Variants in PTPRT observed in about 807,000 individuals in gnomAD.
PTPRT encodes the protein receptor-type tyrosine-protein phosphatase T.
Under a neutral mutation model 176.8 loss-of-function variants are expected in PTPRT, and 56 were observed. The observed-to-expected ratio is 0.32, with a 90% confidence interval of 0.26 to 0.40. PTPRT has a LOEUF of 0.40. Among genes scored for constraint, PTPRT ranks in the 10% least tolerant of loss-of-function variants. The pLI is 1.00. For missense variants in PTPRT, 1,540 were observed against 1,908.2 expected, an observed-to-expected ratio of 0.81 and a Z score of 3.60; for synonymous variants, 783 against 739.0, an observed-to-expected ratio of 1.06 and a Z score of -0.96.
intron 15 of PTPRT, among the ~76,000 whole-genome samples, chr20:42,202,451 G>A (rs1991492086): frequency 6.6e-6 from 1 of 152,184 alleles, no homozygotes; most frequent in Non-Finnish European, 1.5e-5. Context: ...CCAGTAAAAT[G>A]ATTCCAGGCA....
chr20:43,173,038 A>G (rs888070230), intron 1 of PTPRT, among the ~76,000 whole-genome samples: 1 of 151,886 alleles, frequency 6.6e-6, no homozygotes, highest in South Asian at 2.1e-4. Context: ...AGACACGGCT[A>G]ATTTTGTATT....
rs189635070 is a variant in PTPRT, at chr20:42,545,771, G to A, written c.1154-73209C>T. Reference sequence around the variant, plus strand: ...GGGCAGGTCACATGGAGCTGGCAATGAAAGACTCCCATAGGCTGTTAGGCC... The same window carrying A: ...GGGCAGGTCACATGGAGCTGGCAATAAAAGACTCCCATAGGCTGTTAGGCC... On this transcript the variant is annotated intron_variant, in intron 7 of 30. Coordinates refer to ENST00000373187, the MANE Select transcript of PTPRT (RefSeq NM_007050.6). 2.0e-5 allele frequency among the ~76,000 whole-genome samples: 3 copies of A among 152,264 alleles called. No individual in the cohort carries two copies. The East Asian group carries it at 5.8e-4, about 29-fold the overall frequency.
chr20:42,783,375 C>A (rs1165178764), intron 3 of PTPRT, among the ~76,000 whole-genome samples: 3 of 146,282 alleles, frequency 2.1e-5, no homozygotes, highest in African/African-American at 2.6e-5. Flanking sequence ...TGAGAATCAA[C>A]AAAAAAAAAA....
intron 15 of PTPRT, among the ~76,000 whole-genome samples, chr20:42,233,983 C>T (rs2056188056): frequency 6.6e-6 from 1 of 152,136 alleles, no homozygotes; most frequent in Non-Finnish European, 1.5e-5. Flanking sequence ...ACCCAGCACA[C>T]AGCACTGTAT....
rs547784023 is a variant in PTPRT at position 42,567,007 on chromosome 20, C to T, written c.1154-94445G>A. Among the ~76,000 whole-genome samples, 50 of 152,252 alleles carry T rather than the reference C, an allele frequency of 3.3e-4. 1 individual carries two copies. The highest frequency in any genetic ancestry group is 5.3e-4 in the Non-Finnish European group (36 of 68,002). ...AATTTTTAGGCAGGGTGTGGTGGCTCACACCTGTAACCCCAGCACTTTGGG... is the reference window on the plus strand; with the variant it reads ...AATTTTTAGGCAGGGTGTGGTGGCTTACACCTGTAACCCCAGCACTTTGGG... On this transcript the variant is annotated intron_variant, in intron 7 of 30. Transcript: ENST00000373187.
At chr20:42,296,006 C>A (rs1179800230) in intron 12 of PTPRT, among the ~76,000 whole-genome samples, 5 of 152,216 alleles carry the variant, frequency 3.3e-5, no homozygotes, top group Admixed American at 6.5e-5. Flanking sequence ...AAACAAATAT[C>A]TTTTCTTTAT....
At chr20:42,323,063 C>A (rs369618075) in intron 11 of PTPRT, among the ~76,000 whole-genome samples, 1 of 151,848 alleles carries the variant, frequency 6.6e-6, no homozygotes, top group Non-Finnish European at 1.5e-5. Context: ...CAATGAGATA[C>A]CATCTCACAC....
intron 1 of PTPRT, among the ~76,000 whole-genome samples, chr20:43,177,821 T>A (rs778349013): frequency 6.6e-6 from 1 of 152,248 alleles, no homozygotes; most frequent in South Asian, 2.1e-4. Context: ...ACTAAAAAAT[T>A]CTGTTTTAAA....
At chr20:42,203,374 A>C (rs1000395809) in intron 15 of PTPRT, among the ~76,000 whole-genome samples, 4 of 152,206 alleles carry the variant, frequency 2.6e-5, no homozygotes, top group African/African-American at 4.8e-5. Context: ...AGGGCAAACA[A>C]GACCCTTAAA....
chr20:42,664,810 G>C (rs551038660), intron 7 of PTPRT, among the ~76,000 whole-genome samples: 293 of 152,150 alleles, frequency 1.9e-3, no homozygotes, highest in Non-Finnish European at 3.6e-3. Context: ...ACAACTATCT[G>C]ATCTTTGACA....
chr20:43,158,971 T>C (rs1166467492), intron 1 of PTPRT, among the ~76,000 whole-genome samples: 2 of 152,226 alleles, frequency 1.3e-5, no homozygotes, highest in Non-Finnish European at 2.9e-5. Context: ...AAAATGACTG[T>C]TTTGTTGCCA....
chr20:42,386,781 A>G (rs1392885104), intron 9 of PTPRT, among the ~76,000 whole-genome samples: 1 of 152,018 alleles, frequency 6.6e-6, no homozygotes, highest in Non-Finnish European at 1.5e-5. Flanking sequence ...AATTGCTTGA[A>G]CCCAGGAGGC....
intron 7 of PTPRT, among the ~76,000 whole-genome samples, chr20:42,504,199 T>C (rs2071804426): frequency 1.3e-5 from 2 of 152,182 alleles, no homozygotes; most frequent in South Asian, 2.1e-4. Context: ...AATAATAAAA[T>C]GTTATTGGTA....
chr20:42,432,550 C>T (rs1455347052), intron 9 of PTPRT, among the ~76,000 whole-genome samples: 1 of 152,116 alleles, frequency 6.6e-6, no homozygotes, highest in African/African-American at 2.4e-5. Context: ...GGATTTTAGG[C>T]ACAATTGACC....
rs531413736 is a variant in PTPRT at position 42,801,119 on chromosome 20, A to T, written c.215-9653T>A. On this transcript the variant is annotated intron_variant, in intron 2 of 30. Coordinates refer to ENST00000373187, the MANE Select transcript of PTPRT (RefSeq NM_007050.6). Reference sequence around the variant, plus strand: ...TAAACAGAAGCTAAGAGTTACTCTGAGCTTTGCAAAATGCCTGCCCTGGGG... The same window carrying T: ...TAAACAGAAGCTAAGAGTTACTCTGTGCTTTGCAAAATGCCTGCCCTGGGG... Among the ~76,000 whole-genome samples, 4 of 152,328 alleles carry T rather than the reference A, an allele frequency of 2.6e-5. No individual in the cohort carries two copies. The South Asian group carries it at 8.3e-4, about 32-fold the overall frequency.
chr20:42,613,455 C>A (rs973195368), intron 7 of PTPRT, among the ~76,000 whole-genome samples: 1 of 152,262 alleles, frequency 6.6e-6, no homozygotes, highest in African/African-American at 2.4e-5. Context: ...TTTGAAGACA[C>A]ACACAGCTTA....
At chr20:42,285,060 G>T (rs1418492156) in intron 12 of PTPRT, among the ~76,000 whole-genome samples, 4 of 151,744 alleles carry the variant, frequency 2.6e-5, no homozygotes, top group Admixed American at 2.6e-4. Flanking sequence ...GTTAAATCTT[G>T]CATATGACAA....
At chr20:42,309,117 A>G (rs1223249535) in intron 12 of PTPRT, among the ~76,000 whole-genome samples, 3 of 152,206 alleles carry the variant, frequency 2.0e-5, no homozygotes, top group Non-Finnish European at 2.9e-5. Context: ...AAAGGATATG[A>G]CAAGAAAAGA....
chr20:43,117,892 T>A (rs1281602370), intron 1 of PTPRT, among the ~76,000 whole-genome samples: 2 of 152,168 alleles, frequency 1.3e-5, no homozygotes, highest in Non-Finnish European at 2.9e-5. Context: ...GTGTAAGGCT[T>A]AAATCTTCTT....
Sources: allele counts gnomAD v4.1 joint callset (sites outside exome capture counted in the v4.1 genomes callset), GRCh38; gene constraint gnomAD v4.1.1; transcripts MANE v1.5; gene names NCBI Gene and HGNC (gene_info 2026-07-23, HGNC 2026-07-21).